CNTLN: variants seen among roughly 807,000 people sequenced by gnomAD.
CNTLN encodes the protein centlein, centrosomal protein.
CNTLN carries 212 observed loss-of-function variants against 180.0 expected under a neutral mutation model. That is an observed-to-expected ratio of 1.18 (90% CI 1.05 to 1.32). The LOEUF is 1.32. Ranked by LOEUF, CNTLN falls within the 40% of genes most tolerant of loss-of-function variation. The probability of loss-of-function intolerance (pLI) is 0.00; values close to 1 mark genes in which losing one functional copy is unlikely to be tolerated. For missense variants in CNTLN, 2,095 were observed against 1,610.9 expected, an observed-to-expected ratio of 1.30 and a Z score of -5.14; for synonymous variants, 722 against 563.1, an observed-to-expected ratio of 1.28 and a Z score of -3.99.
At chr9:17,434,414 T>A (rs1829633767) in intron 18 of CNTLN, among the ~76,000 whole-genome samples, 1 of 152,100 alleles carries the variant, frequency 6.6e-6, no homozygotes, top group African/African-American at 2.4e-5. Flanking sequence ...TCTTTTAATA[T>A]ACTATATTTT....
intron 2 of CNTLN, among the ~76,000 whole-genome samples, chr9:17,182,844 A>G (rs1475540405): frequency 6.6e-6 from 1 of 152,224 alleles, no homozygotes; most frequent in Non-Finnish European, 1.5e-5. Context: ...CTTATTTGCC[A>G]TACTTGCCAT....
intron 13 of CNTLN, among the ~76,000 whole-genome samples, chr9:17,376,053 G>A (rs908068547): frequency 6.6e-6 from 1 of 152,040 alleles, no homozygotes; most frequent in Non-Finnish European, 1.5e-5. Flanking sequence ...TCCAATGCTC[G>A]CATTCAGGTT....
intron 6 of CNTLN, among the ~76,000 whole-genome samples, chr9:17,296,136 G>A (rs900551781): frequency 6.6e-6 from 1 of 151,720 alleles, no homozygotes; most frequent in African/African-American, 2.4e-5. Context: ...CTGAGTAGCT[G>A]GAACTACAGA....
intron 2 of CNTLN, among the ~76,000 whole-genome samples, chr9:17,172,691 T>C (rs930894319): frequency 3.1e-4 from 47 of 152,228 alleles, no homozygotes; most frequent in African/African-American, 9.9e-4. Context: ...AATTGCCTAA[T>C]TTAAAAAAAG....
At chr9:17,468,618 A>G (rs993603928) in intron 23 of CNTLN, among the ~76,000 whole-genome samples, 1 of 151,630 alleles carries the variant, frequency 6.6e-6, no homozygotes. Flanking sequence ...CACTTTAAAA[A>G]AGAAGGATGA....
chr9:17,521,265 AAG>A, the CNTLN span, among the ~76,000 whole-genome samples: 1,637 of 118,590 alleles, frequency 0.014, 33 homozygotes, highest in African/African-American at 0.047. Flanking sequence ...AAGGGAGAAA[AAG>A]AGAGAGAGAG....
At chr9:17,353,286 C>CTTTT (rs36048699) in intron 12 of CNTLN, among the ~76,000 whole-genome samples, 26 of 127,556 alleles carry the variant, frequency 2.0e-4, no homozygotes, top group African/African-American at 2.9e-4. Context: ...AACTGCCAAA[C>CTTTT]TTTTTTTTTT....
chr9:17,267,705 T>C (rs1827589559), intron 5 of CNTLN, among the ~76,000 whole-genome samples: 1 of 152,212 alleles, frequency 6.6e-6, no homozygotes, highest in Non-Finnish European at 1.5e-5. Flanking sequence ...TCTTTTCACA[T>C]AGTCCCATAT....
chr9:17,414,584 T>C (rs978002289), intron 16 of CNTLN, among the ~76,000 whole-genome samples: 1 of 152,194 alleles, frequency 6.6e-6, no homozygotes, highest in South Asian at 2.1e-4. Context: ...TCAAAAATAT[T>C]TTGAGAAATG....
chr9:17,312,447 C>G (rs1241730929), intron 8 of CNTLN, among the ~76,000 whole-genome samples: 1 of 145,974 alleles, frequency 6.9e-6, no homozygotes, highest in Non-Finnish European at 1.5e-5. Context: ...AGTGCAGTGG[C>G]GCGATCTCGG....
intron 2 of CNTLN, among the ~76,000 whole-genome samples, chr9:17,183,226 A>G (rs896184327): frequency 1.3e-5 from 2 of 152,190 alleles, no homozygotes; most frequent in Non-Finnish European, 2.9e-5. Context: ...TTAGTAAACC[A>G]AAATGTTTTA....
intron 12 of CNTLN, among the ~76,000 whole-genome samples, chr9:17,351,644 C>T (rs1211648890): frequency 1.3e-5 from 2 of 152,112 alleles, no homozygotes; most frequent in East Asian, 1.9e-4. Flanking sequence ...TTCTTTCCAT[C>T]CTCACTGTTA....
chr9:17,182,103 G>A (rs1821158936), intron 2 of CNTLN, among the ~76,000 whole-genome samples: 1 of 152,078 alleles, frequency 6.6e-6, no homozygotes, highest in East Asian at 1.9e-4. Flanking sequence ...ATATAGACTT[G>A]CAAAGATTGA....
At chr9:17,465,717 C>T (rs1470270785) in intron 21 of CNTLN, among the ~76,000 whole-genome samples, 1 of 151,078 alleles carries the variant, frequency 6.6e-6, no homozygotes, top group Non-Finnish European at 1.5e-5. Context: ...ATGTAGTGAA[C>T]ATTAATATTG....
downstream of CNTLN, among the ~76,000 whole-genome samples, chr9:17,507,301 C>G (rs1833949778): frequency 6.6e-6 from 1 of 152,126 alleles, no homozygotes; most frequent in African/African-American, 2.4e-5. Flanking sequence ...TCCATTTCCA[C>G]TGTTGCACAG....
chr9:17,484,572 A>T (rs370448969), intron 24 of CNTLN, 92 bp downstream of exon 24: 2 of 1,043,724 alleles, frequency 1.9e-6, no homozygotes, highest in East Asian at 2.8e-5. Context: ...TTAGAATTTC[A>T]TCTTTAAGAG....
In CNTLN at chr9:17,394,683, A is replaced by G; in HGVS notation, c.2229A>G (p.Leu743=). The G allele has an allele frequency of 6.2e-7, 1 of 1,613,836 alleles. No individual in the cohort carries two copies. Among genetic ancestry groups the G allele is most frequent in the Non-Finnish European group, 8.5e-7 (1 of 1,179,814 alleles). Residue 743 remains leucine, a synonymous_variant, in exon 15 of 26, where the codon CTA becomes CTG. Coordinates refer to ENST00000380647, the MANE Select transcript of CNTLN (RefSeq NM_017738.4). ...QEDTETREKE[L]EQIIKGSKDV... ...ATACAGAGACCAGAGAAAAAGAGCT[A>G]GAACAGATAATAAAGGGGAGTAAAG...
intron 5 of CNTLN, among the ~76,000 whole-genome samples, chr9:17,267,381 G>T (rs1182294213): frequency 2.0e-5 from 3 of 152,102 alleles, no homozygotes; most frequent in Admixed American, 6.6e-5. Flanking sequence ...CTCTCTTCTG[G>T]CTTGTAGAGT....
chr9:17,425,242 G>A (rs79909227), intron 18 of CNTLN, among the ~76,000 whole-genome samples: 4,502 of 152,216 alleles, frequency 0.03, 221 homozygotes, highest in East Asian at 0.25. Context: ...GTTTGATGGT[G>A]TTGGGAGATG....
Sources: allele counts gnomAD v4.1 joint callset (sites outside exome capture counted in the v4.1 genomes callset), GRCh38; gene constraint gnomAD v4.1.1; transcripts MANE v1.5; gene names NCBI Gene and HGNC (gene_info 2026-07-23, HGNC 2026-07-21).